The following HMCN2 variants were observed in gnomAD, a reference collection of about 807,000 sequenced individuals.
HMCN2 encodes the protein hemicentin-2.
Under a neutral mutation model 377.5 loss-of-function variants are expected in HMCN2, and 325 were observed. The ratio of observed to expected loss-of-function variants is 0.86; its 90% CI spans 0.79 to 0.94. The LOEUF (loss-of-function observed/expected upper bound fraction) is 0.94. HMCN2 is among the 40% of genes least tolerant of loss of function. The pLI, the probability that HMCN2 is intolerant of heterozygous loss-of-function variation, is 0.00. For missense variants in HMCN2, 4,543 were observed against 4,725.3 expected (o/e 0.96, Z 1.13); for synonymous variants, 2,007 against 2,046.8 (o/e 0.98, Z 0.53).
intron 66 of HMCN2, among the ~76,000 whole-genome samples, chr9:130,392,743 A>AT (rs1842384395): frequency 7.1e-6 from 1 of 141,718 alleles, no homozygotes; most frequent in African/African-American, 2.7e-5. Context: ...CACGCCTGTA[A>AT]TCCAGCACTT....
chr9:130,430,245 G>A, intron 94 of HMCN2, 39 bp from the exon 95 acceptor site: 1 of 1,476,490 alleles, frequency 6.8e-7, no homozygotes, highest in Non-Finnish European at 9.0e-7. Context: ...AGGGGAACCT[G>A]GGCCACCTGT....
chr9:130,309,136 AAAATT>A (rs1554937929), intron 14 of HMCN2, among the ~76,000 whole-genome samples: 1 of 152,268 alleles, frequency 6.6e-6, no homozygotes, highest in Non-Finnish European at 1.5e-5. Context: ...AAATAAAATA[AAAATT>A]AAATTAAATT....
At chr9:130,398,917 A>G (rs1414403089) in intron 75 of HMCN2, among the ~76,000 whole-genome samples, 1 of 152,148 alleles carries the variant, frequency 6.6e-6, no homozygotes, top group Admixed American at 6.5e-5. Context: ...AAACAGAGAC[A>G]TCTGGGCTTT....
intron 4 of HMCN2, among the ~76,000 whole-genome samples, chr9:130,288,379 C>T (rs1387021423): frequency 1.3e-5 from 2 of 152,248 alleles, no homozygotes; most frequent in Admixed American, 1.3e-4. Flanking sequence ...GGAACCCTCT[C>T]CTTCCTGGGC....
In HMCN2 at chr9:130,393,095, T is replaced by C. The variant is rs540494098; in HGVS notation, c.10137-117T>C. 37 of 581,456 alleles carry C rather than the reference T, an allele frequency of 6.4e-5. No individual in the cohort carries two copies. The highest frequency in any genetic ancestry group is 5.1e-4 in the Admixed American group (8 of 15,758). 36.0% of individuals were successfully genotyped at this position (581,456 alleles called of 1,614,324 possible). A position where few individuals can be genotyped will look rare whatever the true frequency, so the allele number is the denominator to read the frequency against. On this transcript the variant is annotated intron_variant, in intron 66 of 97. Coordinates refer to ENST00000683500, the MANE Select transcript of HMCN2 (RefSeq NM_001291815.2). The surrounding 1 kb of genome is among the most constrained non-coding windows in gnomAD (Gnocchi z 5.2). ...CAGCAAGCTCTTGGGAGACAAAGGT[T>C]GGAAAAGGGAGGAAGTCTTTCCACG...
chr9:130,322,160 C>G (rs930137846), intron 19 of HMCN2, among the ~76,000 whole-genome samples: 1 of 152,148 alleles, frequency 6.6e-6, no homozygotes, highest in African/African-American at 2.4e-5. Context: ...TTTTCATACT[C>G]TATACACACA....
At chr9:130,329,123 A>C (rs1838290973) in intron 22 of HMCN2, among the ~76,000 whole-genome samples, 1 of 152,146 alleles carries the variant, frequency 6.6e-6, no homozygotes, top group Non-Finnish European at 1.5e-5. Context: ...CTCCCAAAAA[A>C]ACTTCATACT....
chr9:130,282,722 G>A (rs77632985), intron 1 of HMCN2, among the ~76,000 whole-genome samples: 13,980 of 152,258 alleles, frequency 0.092, 674 homozygotes, highest in East Asian at 0.14. Flanking sequence ...GAGAATGAAA[G>A]TTTGTTTACA....
intron 1 of HMCN2, among the ~76,000 whole-genome samples, chr9:130,273,133 C>T (rs1834492596): frequency 6.7e-6 from 1 of 149,728 alleles, no homozygotes; most frequent in South Asian, 2.1e-4. Context: ...TTTTTTTTCT[C>T]ATAGGTTCCA....
rs986321770 is a variant in HMCN2 at position 130,405,955 on chromosome 9, G to T, written c.12340G>T (p.Gly4114Cys). 18 of 1,284,604 alleles carry T rather than the reference G, an allele frequency of 1.4e-5. No homozygotes were observed. In the African/African-American group the frequency reaches 2.6e-4, roughly 18 times the overall value. The allele number at this position is 1,284,604 out of a possible 1,614,324, so 79.6% of individuals were successfully genotyped here. ...SGELLVKNLE[G>C]QDAGTYTCTA... The stretch of plus-strand genomic sequence containing the variant: ...GGCCAACCCCTTTCTTTGCTCACAG[G>T]GCCAGGACGCAGGCACCTATACCTG... Residue 4114 changes from glycine (G) to cysteine (C), a missense_variant and splice_region_variant, in exon 82 of 98, where the codon GGC (glycine) becomes TGC (cysteine). Coordinates refer to ENST00000683500, the MANE Select transcript of HMCN2 (RefSeq NM_001291815.2).
At chr9:130,413,432 C>T (rs1251016655) in intron 85 of HMCN2, among the ~76,000 whole-genome samples, 1 of 152,164 alleles carries the variant, frequency 6.6e-6, no homozygotes, top group Non-Finnish European at 1.5e-5. Context: ...CCTTTTGTAC[C>T]TAGTGTGTTG....
intron 32 of HMCN2, among the ~76,000 whole-genome samples, chr9:130,355,300 C>G (rs2131541239): frequency 6.6e-6 from 1 of 152,298 alleles, no homozygotes; most frequent in South Asian, 2.1e-4. Flanking sequence ...TCACCCAGGA[C>G]AGAGGACCTC....
At position 130,394,732 on chromosome 9, in the gene HMCN2, C is replaced by CT. The variant is rs1447992024; in HGVS notation, c.10692+159dup. ...GGAGGTGACCCACCTTGGCCGTGCC[C>CT]TTGGGAGCTGCCAGCAGGGTCAGGG... On this transcript the variant is annotated intron_variant, in intron 69 of 97. Transcript: ENST00000683500. This position sits in a 1 kb window ranked among gnomAD's most constrained non-coding sequence, Gnocchi z 5.1. Among the ~76,000 whole-genome samples, 1 of 152,190 alleles carries CT rather than the reference C, an allele frequency of 6.6e-6. No individual in the cohort carries two copies. The highest frequency in any genetic ancestry group is 2.4e-5 in the African/African-American group (1 of 41,452).
chr9:130,297,381 GC>G (rs1211198853), intron 7 of HMCN2, among the ~76,000 whole-genome samples: 1 of 152,238 alleles, frequency 6.6e-6, no homozygotes, highest in Non-Finnish European at 1.5e-5. Flanking sequence ...ATGCCTGCAT[GC>G]CCGCTATGGT....
intron 75 of HMCN2, 27 bp downstream of exon 75, chr9:130,398,734 TC>T: frequency 7.8e-7 from 1 of 1,285,188 alleles, no homozygotes; most frequent in South Asian, 1.2e-5. Flanking sequence ...TGCGGTGGCT[TC>T]CTGAGACGCA....
intron 45 of HMCN2, 28 bp from the exon 46 acceptor site, chr9:130,370,936 C>G: frequency 1.0e-6 from 1 of 985,986 alleles, no homozygotes; most frequent in Non-Finnish European, 1.2e-6. Flanking sequence ...TATCTGCACC[C>G]TGAATGTGGC....
chr9:130,312,608 CTTTCTT>C (rs1837329279), intron 15 of HMCN2, among the ~76,000 whole-genome samples: 33 of 110,602 alleles, frequency 3.0e-4, no homozygotes, highest in Non-Finnish European at 5.5e-4. Context: ...TTCTTTCTTT[CTTTCTT>C]TCTCTGTCTC....
chr9:130,304,496 C>G lies in HMCN2; in HGVS notation c.1544-234C>G, dbSNP rs982946760. Among the ~76,000 whole-genome samples, 4 of 152,170 alleles carry G rather than the reference C, an allele frequency of 2.6e-5. No homozygotes were observed. The highest frequency in any genetic ancestry group is 9.7e-5 in the African/African-American group (4 of 41,432). ...TGTATTTTGGAGAGCAGGCGTGTAC[C>G]GTGCAGCCCCTGGCAGGTGTATAAT... On this transcript the variant is annotated intron_variant, in intron 10 of 97. Coordinates refer to ENST00000683500, the MANE Select transcript of HMCN2 (RefSeq NM_001291815.2). The surrounding 1 kb of genome is among the most constrained non-coding windows in gnomAD (Gnocchi z 4.3).
At chr9:130,275,059 C>T (rs373160810) in intron 1 of HMCN2, among the ~76,000 whole-genome samples, 4 of 152,336 alleles carry the variant, frequency 2.6e-5, no homozygotes, top group South Asian at 2.1e-4. Flanking sequence ...CGCCATCTTG[C>T]GCCTGGACCC....
Sources: allele counts gnomAD v4.1 joint callset (sites outside exome capture counted in the v4.1 genomes callset), GRCh38; gene constraint gnomAD v4.1.1; non-coding constraint Gnocchi (gnomAD v3.1); transcripts MANE v1.5; gene names NCBI Gene and HGNC (gene_info 2026-07-23, HGNC 2026-07-21).